The following ST18 variants were observed in gnomAD, a reference collection of about 807,000 sequenced individuals.
The protein encoded by ST18 is suppression of tumorigenicity 18 protein.
In ST18, 50 loss-of-function variants were observed where a neutral mutation model predicts 110.0. The observed-to-expected ratio is 0.45, with a 90% CI of 0.36 to 0.58. The LOEUF is 0.58. ST18 is among the 20% of genes least tolerant of loss of function. The pLI is 0.00. For synonymous variants in ST18, 461 were observed against 452.4 expected (o/e 1.02, Z -0.24); for missense variants, 1,306 against 1,280.1 (o/e 1.02, Z -0.31).
At position 52,255,978 on chromosome 8, in the gene ST18, G is replaced by A. The variant is rs138514102; in HGVS notation, c.-464-25901C>T. Among the ~76,000 whole-genome samples, 291 of 152,238 alleles carry A rather than the reference G, an allele frequency of 1.9e-3. 1 individual carries two copies. Among genetic ancestry groups the A allele is most frequent in the African/African-American group, 6.8e-3 (284 of 41,540 alleles). ...CTTGACCCCCACTCCTTTCTGGCTG[G>A]CCCCAGCTTTCTTTCCCTGGAGTTC... On this transcript the variant is annotated intron_variant, in intron 2 of 25. Coordinates refer to ENST00000689386, the MANE Select transcript of ST18 (RefSeq NM_001352837.2).
intron 2 of ST18, among the ~76,000 whole-genome samples, chr8:52,290,060 T>C (rs907531988): frequency 6.6e-6 from 1 of 152,170 alleles, no homozygotes; most frequent in Non-Finnish European, 1.5e-5. Context: ...TCGACTCTTA[T>C]GGTACACCTG....
intron 7 of ST18, among the ~76,000 whole-genome samples, chr8:52,213,325 C>T (rs1446681237): frequency 2.0e-5 from 3 of 152,124 alleles, no homozygotes; most frequent in African/African-American, 7.2e-5. Context: ...TGACTACATA[C>T]ACAAATATAG....
At chr8:52,219,479 C>T (rs1347750974) in intron 5 of ST18, among the ~76,000 whole-genome samples, 4 of 152,166 alleles carry the variant, frequency 2.6e-5, no homozygotes, top group African/African-American at 9.7e-5. Context: ...TATTTGCACA[C>T]TATTCTTGAT....
chr8:52,276,835 C>T (rs1479904247), intron 2 of ST18, among the ~76,000 whole-genome samples: 1 of 149,900 alleles, frequency 6.7e-6, no homozygotes, highest in African/African-American at 2.5e-5. Flanking sequence ...GGTGCGATCT[C>T]GGCTCACTGC....
intron 8 of ST18, among the ~76,000 whole-genome samples, chr8:52,190,629 T>C (rs766233056): frequency 6.6e-6 from 1 of 152,092 alleles, no homozygotes; most frequent in Non-Finnish European, 1.5e-5. Context: ...GAACCAAGAG[T>C]AGTTAGCATT....
At chr8:52,212,811 G>A (rs2082687730) in intron 7 of ST18, among the ~76,000 whole-genome samples, 1 of 152,146 alleles carries the variant, frequency 6.6e-6, no homozygotes, top group Non-Finnish European at 1.5e-5. Flanking sequence ...TCTACTAAGG[G>A]TGTTCATGCC....
At chr8:52,243,723 A>T (rs2093625945) in intron 2 of ST18, among the ~76,000 whole-genome samples, 2 of 152,324 alleles carry the variant, frequency 1.3e-5, no homozygotes, top group African/African-American at 4.8e-5. Context: ...GACCATTATT[A>T]TAATTATTGC....
At chr8:52,349,535 A>G (rs1819301218) in intron 2 of ST18, among the ~76,000 whole-genome samples, 1 of 152,208 alleles carries the variant, frequency 6.6e-6, no homozygotes, top group South Asian at 2.1e-4. Context: ...AATGCTTTTT[A>G]AATTGAAACA....
intron 8 of ST18, among the ~76,000 whole-genome samples, chr8:52,209,396 T>C (rs2081294309): frequency 6.6e-6 from 1 of 152,182 alleles, no homozygotes; most frequent in African/African-American, 2.4e-5. Flanking sequence ...AGTTTCTGCC[T>C]AATAAGGCTA....
At chr8:52,235,938 C>T (rs2092592854) in intron 2 of ST18, among the ~76,000 whole-genome samples, 1 of 151,984 alleles carries the variant, frequency 6.6e-6, no homozygotes, top group Admixed American at 6.6e-5. Flanking sequence ...AAATACTAAA[C>T]TAAACTGGGT....
intron 2 of ST18, among the ~76,000 whole-genome samples, chr8:52,252,115 A>G (rs2094341604): frequency 6.6e-6 from 1 of 152,068 alleles, no homozygotes; most frequent in African/African-American, 2.4e-5. Flanking sequence ...TAATAGCTAT[A>G]AATTTTGTTT....
At chr8:52,244,541 T>G (rs976865164) in intron 2 of ST18, among the ~76,000 whole-genome samples, 4 of 152,166 alleles carry the variant, frequency 2.6e-5, no homozygotes, top group Admixed American at 6.5e-5. Context: ...TAATCCTTCA[T>G]GAAGTCAGAA....
chr8:52,193,540 G>A (rs2075254467), intron 8 of ST18, among the ~76,000 whole-genome samples: 2 of 152,176 alleles, frequency 1.3e-5, no homozygotes, highest in South Asian at 4.1e-4. Context: ...ACTTCTCTCT[G>A]CCCAGTCCCG....
intron 2 of ST18, among the ~76,000 whole-genome samples, chr8:52,389,068 G>T (rs893223068): frequency 1.3e-5 from 2 of 151,826 alleles, no homozygotes; most frequent in Admixed American, 6.6e-5. Context: ...AGGCCGGGCT[G>T]CATGAAGCCC....
intron 2 of ST18, among the ~76,000 whole-genome samples, chr8:52,383,043 CT>C: frequency 6.6e-6 from 1 of 152,184 alleles, no homozygotes; most frequent in African/African-American, 2.4e-5. Flanking sequence ...TCCCCTTCTT[CT>C]TCTTCTCTTC....
At chr8:52,382,909 C>T (rs1835102515) in intron 2 of ST18, among the ~76,000 whole-genome samples, 1 of 151,958 alleles carries the variant, frequency 6.6e-6, no homozygotes. Context: ...GTGACAGTAG[C>T]CAGCTTCTGA....
At chr8:52,252,157 G>A (rs1484238148) in intron 2 of ST18, among the ~76,000 whole-genome samples, 1 of 151,954 alleles carries the variant, frequency 6.6e-6, no homozygotes, top group East Asian at 1.9e-4. Flanking sequence ...AGCTGCAACT[G>A]GAAACATTCA....
intron 2 of ST18, among the ~76,000 whole-genome samples, chr8:52,338,821 T>C (rs1291792427): frequency 6.6e-6 from 1 of 151,926 alleles, no homozygotes; most frequent in Non-Finnish European, 1.5e-5. Flanking sequence ...CACTACAGCC[T>C]CAACCTTCTG....
chr8:52,162,648 G>C (rs571057234), intron 13 of ST18, among the ~76,000 whole-genome samples: 2 of 152,218 alleles, frequency 1.3e-5, no homozygotes, highest in East Asian at 3.9e-4. Flanking sequence ...TAAGCTAAAT[G>C]TGAATTATAT....
Sources: allele counts gnomAD v4.1 joint callset (sites outside exome capture counted in the v4.1 genomes callset), GRCh38; gene constraint gnomAD v4.1.1; transcripts MANE v1.5; gene names NCBI Gene and HGNC (gene_info 2026-07-23, HGNC 2026-07-21).